The following ARHGAP26 variants were observed in gnomAD, a reference collection of about 807,000 sequenced individuals.
ARHGAP26 encodes the protein rho GTPase-activating protein 26.
In ARHGAP26, 38 loss-of-function variants were observed where a neutral mutation model predicts 104.8. That is an observed-to-expected ratio of 0.36 (90% CI 0.28 to 0.48). The LOEUF is 0.48. ARHGAP26 is among the 20% of genes least tolerant of loss of function. The pLI is 0.99. For missense variants in ARHGAP26, 704 were observed against 947.9 expected (o/e 0.74, Z 3.38); for synonymous variants, 341 against 340.0 (o/e 1.00, Z -0.03).
chr5:143,142,880 C>G (rs1798729967), intron 19 of ARHGAP26, among the ~76,000 whole-genome samples: 1 of 152,182 alleles, frequency 6.6e-6, no homozygotes, highest in African/African-American at 2.4e-5. Flanking sequence ...AAGTACACCT[C>G]TCTCCTGACC....
At chr5:143,103,224 C>T (rs1793510039) in intron 17 of ARHGAP26, 1 of 984,924 alleles carries the variant, frequency 1.0e-6, no homozygotes, top group Non-Finnish European at 1.2e-6. Context: ...GTCACTGGAT[C>T]AGTAGACATG....
In ARHGAP26 at chr5:142,873,384, G is replaced by A; in HGVS notation, c.155-16G>A. ...ATTTTAGTAATTCCTGATTTTTCCT[G>A]TCTTTTTCTTGCTAGATTTGTCTTC... On this transcript the variant is annotated splice_polypyrimidine_tract_variant and intron_variant, in intron 1 of 22. Coordinates refer to ENST00000645722, the MANE Select transcript of ARHGAP26 (RefSeq NM_001135608.3). The A allele has an allele frequency of 6.3e-7, 1 of 1,585,654 alleles. No individual in the cohort carries two copies. The highest frequency in any genetic ancestry group is 8.6e-7 in the Non-Finnish European group (1 of 1,168,300).
intron 20 of ARHGAP26, among the ~76,000 whole-genome samples, chr5:143,153,799 T>C (rs574607802): frequency 1.3e-5 from 2 of 152,282 alleles, no homozygotes; most frequent in African/African-American, 4.8e-5. Flanking sequence ...CACACGCTCA[T>C]GCATTTCCAA....
chr5:143,000,885 G>A (rs1186072362), intron 11 of ARHGAP26, among the ~76,000 whole-genome samples: 4 of 152,160 alleles, frequency 2.6e-5, no homozygotes, highest in Non-Finnish European at 4.4e-5. Context: ...TGGGGGATGG[G>A]AGGCAAGGGG....
chr5:143,207,123 C>A, intron 20 of ARHGAP26, 75 bp from the exon 21 acceptor site: 1 of 1,544,238 alleles, frequency 6.5e-7, no homozygotes, highest in Non-Finnish European at 8.8e-7. Flanking sequence ...CGTCATCTGG[C>A]CTCCCATGAC....
At chr5:143,172,142 TTTG>T (rs560811320) in intron 20 of ARHGAP26, among the ~76,000 whole-genome samples, 1 of 152,170 alleles carries the variant, frequency 6.6e-6, no homozygotes, top group Non-Finnish European at 1.5e-5. Flanking sequence ...CAGGCATTTG[TTTG>T]TTATTTCAAG....
chr5:142,951,948 T>C (rs245780), intron 11 of ARHGAP26, among the ~76,000 whole-genome samples: 114,043 of 152,146 alleles, frequency 0.75, 44,035 homozygotes, highest in African/African-American at 0.93. Context: ...CAGGGCCATG[T>C]TCCCTCCAGG....
intron 11 of ARHGAP26, among the ~76,000 whole-genome samples, chr5:142,963,198 A>ATATGTGTG (rs869247749): frequency 1.5e-4 from 15 of 98,352 alleles, no homozygotes; most frequent in Admixed American, 1.9e-4. Context: ...ATATATATAT[A>ATATGTGTG]TGTGTGTGTG....
chr5:142,907,458 TGTA>T lies in ARHGAP26; in HGVS notation c.833-244_833-242del, dbSNP rs57388408. On this transcript the variant is annotated intron_variant, in intron 8 of 22. Transcript: ENST00000645722. ...CCGTTGTATTTTAAGACCCACTGGA[TGTA>T]GCATCAATGGGAAACAGTCTTCTTT... 95 of 246,474 alleles carry T rather than the reference TGTA, an allele frequency of 3.9e-4. 1 individual carries two copies. The highest frequency in any genetic ancestry group is 2.0e-3 in the African/African-American group (89 of 44,974). The allele number at this position is 246,474 out of a possible 1,614,324, so 15.3% of individuals were successfully genotyped here.
intron 1 of ARHGAP26, among the ~76,000 whole-genome samples, chr5:142,857,691 AAC>A (rs773672577): frequency 4.3e-4 from 66 of 152,164 alleles, no homozygotes; most frequent in Admixed American, 8.5e-4. Flanking sequence ...CTCCTCTGGG[AAC>A]AGTTTCCTGC....
chr5:143,005,845 C>T (rs1777874208), intron 11 of ARHGAP26, among the ~76,000 whole-genome samples: 1 of 152,176 alleles, frequency 6.6e-6, no homozygotes, highest in Admixed American at 6.5e-5. Context: ...GCTGTAGGAG[C>T]ACAGCCATTT....
intron 1 of ARHGAP26, among the ~76,000 whole-genome samples, chr5:142,864,358 A>T (rs1199348682): frequency 1.3e-5 from 2 of 152,246 alleles, no homozygotes; most frequent in Non-Finnish European, 2.9e-5. Context: ...ACTTGAGCTT[A>T]ATAAACTTCA....
At chr5:143,162,245 C>G (rs1395376744) in intron 20 of ARHGAP26, among the ~76,000 whole-genome samples, 2 of 150,770 alleles carry the variant, frequency 1.3e-5, no homozygotes, top group East Asian at 3.9e-4. Flanking sequence ...TCTGCTTCTT[C>G]TGGAGGAGAA....
intron 22 of ARHGAP26, among the ~76,000 whole-genome samples, chr5:143,214,778 C>T (rs1176668096): frequency 6.6e-6 from 1 of 152,224 alleles, no homozygotes; most frequent in East Asian, 1.9e-4. Context: ...GAGGGTCTCT[C>T]CCAGGTCACA....
intron 17 of ARHGAP26, among the ~76,000 whole-genome samples, chr5:143,100,777 A>G (rs1214587264): frequency 6.6e-6 from 1 of 152,174 alleles, no homozygotes; most frequent in Non-Finnish European, 1.5e-5. Context: ...ATGAATGGGT[A>G]CATGTATCTC....
chr5:142,799,157 C>T (rs1172969250), intron 1 of ARHGAP26, among the ~76,000 whole-genome samples: 2 of 151,168 alleles, frequency 1.3e-5, no homozygotes, highest in African/African-American at 2.4e-5. Context: ...ACTCTTATAG[C>T]GGTGAATGGT....
At chr5:142,829,102 G>A (rs1767882348) in intron 1 of ARHGAP26, among the ~76,000 whole-genome samples, 1 of 152,232 alleles carries the variant, frequency 6.6e-6, no homozygotes, top group Admixed American at 6.5e-5. Flanking sequence ...GTCAGGGAAA[G>A]GCTGGTGGTG....
intron 12 of ARHGAP26, among the ~76,000 whole-genome samples, chr5:143,024,397 G>A (rs1404968485): frequency 2.0e-5 from 3 of 152,054 alleles, no homozygotes; most frequent in Admixed American, 2.0e-4. Flanking sequence ...CTTTCCCTCA[G>A]TGATGTGGGC....
intron 1 of ARHGAP26, among the ~76,000 whole-genome samples, chr5:142,786,654 ATTTTTTT>A (rs70991779): frequency 2.2e-4 from 23 of 104,486 alleles, no homozygotes; most frequent in South Asian, 1.9e-3. Flanking sequence ...GAGTTCTAGA[ATTTTTTT>A]TTTTTTTTTT....
Sources: gnomAD v4.1 joint callset for allele counts (sites outside exome capture counted in the v4.1 genomes callset) on GRCh38, gnomAD v4.1.1 for gene constraint, MANE v1.5 for transcripts, NCBI Gene and HGNC (gene_info 2026-07-23, HGNC 2026-07-21) for gene names.